SNTG1: variants seen among roughly 807,000 people sequenced by gnomAD.
SNTG1 encodes gamma-1-syntrophin.
Under a neutral mutation model 74.7 loss-of-function variants are expected in SNTG1, and 39 were observed. The observed-to-expected ratio is 0.52, with a 90% confidence interval of 0.40 to 0.68. SNTG1 has a LOEUF of 0.68. Among genes scored for constraint, SNTG1 ranks in the 30% least tolerant of loss-of-function variants. SNTG1 has a pLI of 0.00. For missense variants in SNTG1, 685 were observed against 609.5 expected (o/e 1.12, Z -1.30); for synonymous variants, 254 against 217.1 (o/e 1.17, Z -1.49).
intron 1 of SNTG1, among the ~76,000 whole-genome samples, chr8:50,075,550 G>A (rs2131034903): frequency 6.6e-6 from 1 of 152,308 alleles, no homozygotes; most frequent in Non-Finnish European, 1.5e-5. Context: ...GGACCAATCA[G>A]CAGGATGTGG....
intron 15 of SNTG1, among the ~76,000 whole-genome samples, chr8:50,703,942 T>C (rs1290968829): frequency 6.6e-6 from 1 of 152,198 alleles, no homozygotes; most frequent in Non-Finnish European, 1.5e-5. Flanking sequence ...CTCTGTTTCA[T>C]AAATTATTTG....
chr8:49,993,910 A>G (rs1585809268), intron 1 of SNTG1, among the ~76,000 whole-genome samples: 2 of 152,204 alleles, frequency 1.3e-5, no homozygotes, highest in East Asian at 1.9e-4. Context: ...TAGAACCATT[A>G]TATTCCTGTT....
At chr8:50,399,326 T>G (rs1393895938) in intron 3 of SNTG1, among the ~76,000 whole-genome samples, 2 of 152,230 alleles carry the variant, frequency 1.3e-5, no homozygotes, top group Admixed American at 1.3e-4. Flanking sequence ...GACTGTATTC[T>G]GTTTTCCAGA....
intron 1 of SNTG1, among the ~76,000 whole-genome samples, chr8:49,930,278 T>C (rs1167354457): frequency 6.6e-6 from 1 of 151,852 alleles, no homozygotes; most frequent in Non-Finnish European, 1.5e-5. Flanking sequence ...AAAATCATTC[T>C]TGGTGCCTTT....
intron 1 of SNTG1, among the ~76,000 whole-genome samples, chr8:50,024,238 C>T (rs1275263387): frequency 6.6e-6 from 1 of 152,108 alleles, no homozygotes; most frequent in African/African-American, 2.4e-5. Flanking sequence ...CATTCTCTCA[C>T]CATACACATT....
intron 2 of SNTG1, among the ~76,000 whole-genome samples, chr8:50,274,500 A>G (rs1275320086): frequency 6.6e-6 from 1 of 152,172 alleles, no homozygotes; most frequent in Non-Finnish European, 1.5e-5. Flanking sequence ...AAATAAAAAA[A>G]AAGTTTTTAC....
intron 13 of SNTG1, among the ~76,000 whole-genome samples, chr8:50,612,049 C>T (rs529646419): frequency 1.3e-5 from 2 of 152,296 alleles, no homozygotes; most frequent in East Asian, 1.9e-4. Context: ...TGAGCCACCA[C>T]ACCCGGACAA....
At chr8:50,489,376 A>G (rs1424149309) in intron 8 of SNTG1, among the ~76,000 whole-genome samples, 3 of 152,116 alleles carry the variant, frequency 2.0e-5, no homozygotes. Flanking sequence ...GGTTGAAGTA[A>G]TTTACACTCC....
At chr8:50,198,985 G>A (rs1320105392) in intron 2 of SNTG1, among the ~76,000 whole-genome samples, 1 of 152,166 alleles carries the variant, frequency 6.6e-6, no homozygotes, top group Non-Finnish European at 1.5e-5. Flanking sequence ...CTTACACAGG[G>A]AATTAGTACT....
intron 1 of SNTG1, among the ~76,000 whole-genome samples, chr8:50,047,957 A>G (rs1483971329): frequency 6.6e-6 from 1 of 152,170 alleles, no homozygotes; most frequent in Non-Finnish European, 1.5e-5. Context: ...TTCGATAATC[A>G]TACTAATTTC....
chr8:50,290,811 T>G (rs565093779), intron 2 of SNTG1, among the ~76,000 whole-genome samples: 3 of 152,122 alleles, frequency 2.0e-5, no homozygotes, highest in Admixed American at 1.3e-4. Flanking sequence ...CAGGCTGGAG[T>G]GCAATGGCGT....
At chr8:50,183,192 T>C (rs1023653670) in intron 2 of SNTG1, among the ~76,000 whole-genome samples, 8 of 152,212 alleles carry the variant, frequency 5.3e-5, no homozygotes, top group African/African-American at 1.9e-4. Flanking sequence ...ATCAACCTGG[T>C]CACTCCTGCT....
intron 5 of SNTG1, among the ~76,000 whole-genome samples, chr8:50,442,739 T>G (rs1035106850): frequency 1.4e-5 from 2 of 147,096 alleles, no homozygotes; most frequent in Admixed American, 6.8e-5. Context: ...TCACAAAAAT[T>G]TCAACAAAAA....
intron 1 of SNTG1, among the ~76,000 whole-genome samples, chr8:49,947,134 T>C (rs1809265320): frequency 1.3e-5 from 2 of 152,022 alleles, no homozygotes; most frequent in South Asian, 4.1e-4. Context: ...ACCCTGTCTC[T>C]ACTAAAAATA....
chr8:50,436,263 GAATTTTAGTTTAGTTGGGTTGTCAGTTT>G (rs2093301715), intron 4 of SNTG1, among the ~76,000 whole-genome samples: 2 of 152,094 alleles, frequency 1.3e-5, no homozygotes, highest in Non-Finnish European at 2.9e-5. Flanking sequence ...TGTCATACAA[GAATTTTAGTTTAGTTGGGTTGTCAGTTT>G]TATAAAAGCA....
At chr8:50,658,728 T>A (rs908973308) in intron 15 of SNTG1, 65 bp downstream of exon 15, 5 of 1,038,782 alleles carry the variant, frequency 4.8e-6, no homozygotes, top group Non-Finnish European at 7.2e-6. Context: ...TCTGGGCTCA[T>A]AAGCAGCTCA....
At chr8:50,671,855 T>C (rs1277290588) in intron 15 of SNTG1, among the ~76,000 whole-genome samples, 1 of 151,880 alleles carries the variant, frequency 6.6e-6, no homozygotes, top group Non-Finnish European at 1.5e-5. Flanking sequence ...CATGGAATAT[T>C]ATGCAGCCAT....
At chr8:50,785,323 T>C (rs1254969966) in intron 18 of SNTG1, among the ~76,000 whole-genome samples, 1 of 151,788 alleles carries the variant, frequency 6.6e-6, no homozygotes, top group Non-Finnish European at 1.5e-5. Flanking sequence ...AGAGAGAATA[T>C]TCAAATTTTT....
At chr8:50,704,507 C>T (rs2095436757) in intron 15 of SNTG1, 93 bp from the exon 16 acceptor site, 1 of 1,507,424 alleles carries the variant, frequency 6.6e-7, no homozygotes. Context: ...GTCTTTTTAC[C>T]TGTGGCTTCT....
Sources: gnomAD v4.1 joint callset for allele counts (sites outside exome capture counted in the v4.1 genomes callset) on GRCh38, gnomAD v4.1.1 for gene constraint, MANE v1.5 for transcripts, NCBI Gene and HGNC (gene_info 2026-07-23, HGNC 2026-07-21) for gene names.